The following SORCS3 variants were observed in gnomAD, a reference collection of about 807,000 sequenced individuals.
SORCS3 encodes the protein sortilin related VPS10 domain containing receptor 3.
A neutral mutation model predicts 146.3 loss-of-function variants in SORCS3; 57 were observed. That is an observed-to-expected ratio of 0.39 (90% CI 0.31 to 0.49). The LOEUF is 0.49. SORCS3 is among the 20% of genes least tolerant of loss of function. The pLI, the probability that SORCS3 is intolerant of heterozygous loss-of-function variation, is 0.92. For synonymous variants in SORCS3, 653 were observed against 618.5 expected (o/e 1.06, Z -0.83); for missense variants, 1,341 against 1,575.5 (o/e 0.85, Z 2.52).
chr10:105,030,720 G>A (rs905735998), intron 4 of SORCS3, among the ~76,000 whole-genome samples: 3 of 151,822 alleles, frequency 2.0e-5, no homozygotes, highest in Non-Finnish European at 2.9e-5. Context: ...AGCCTCCCAC[G>A]TAGCTGGGAT....
Position 105,137,344 on chromosome 10 carries a change from C to T in SORCS3, c.1213-2053C>T, listed in dbSNP as rs182613106. On this transcript the variant is annotated intron_variant, in intron 7 of 26. Transcript: ENST00000369701. ...ATGATATATTTTGGGAGTATAAAAG[C>T]TTTGTCATCAGGTATAAGGACTCCT... Among the ~76,000 whole-genome samples, 196 of 152,140 alleles carry T rather than the reference C, an allele frequency of 1.3e-3. 2 individuals carry two copies. Among genetic ancestry groups the T allele is most frequent in the Admixed American group, 2.7e-3 (42 of 15,276 alleles).
chr10:104,747,500 A>G (rs1166106132), intron 1 of SORCS3, among the ~76,000 whole-genome samples: 3 of 152,202 alleles, frequency 2.0e-5, no homozygotes, highest in African/African-American at 7.2e-5. Flanking sequence ...GATACTTCCA[A>G]TACGCTGAGA....
chr10:104,663,820 C>A (rs984530278), intron 1 of SORCS3, among the ~76,000 whole-genome samples: 2 of 152,090 alleles, frequency 1.3e-5, no homozygotes, highest in Non-Finnish European at 2.9e-5. Context: ...GGCAGCCCCC[C>A]ACTCCTCTTT....
intron 2 of SORCS3, among the ~76,000 whole-genome samples, chr10:104,907,368 A>G (rs1055916478): frequency 1.5e-4 from 23 of 152,196 alleles, no homozygotes; most frequent in African/African-American, 4.6e-4. Flanking sequence ...ACCTAAATAT[A>G]ACAACTCACC....
rs911301492 is a variant in SORCS3 at position 104,822,075 on chromosome 10, C to G, written c.628-20717C>G. ...CCACCCCTTATTTTTTATTCCTTCT[C>G]TTAGTCCTGGAGTCTGACCAGCTCC... is the stretch of plus-strand genomic sequence containing the variant. On this transcript the variant is annotated intron_variant, in intron 1 of 26. Coordinates refer to ENST00000369701, the MANE Select transcript of SORCS3 (RefSeq NM_014978.3). 4 of 518,040 alleles carry G rather than the reference C, an allele frequency of 7.7e-6. No homozygotes were observed. The East Asian group carries it at 1.6e-4, about 21-fold the overall frequency. The allele number at this position is 518,040 out of a possible 1,614,324, so 32.1% of individuals were successfully genotyped here.
chr10:104,785,675 A>G (rs1355494405), intron 1 of SORCS3, among the ~76,000 whole-genome samples: 1 of 152,214 alleles, frequency 6.6e-6, no homozygotes, highest in Non-Finnish European at 1.5e-5. Context: ...CTCTGTTTCC[A>G]TAAAGCAGAG....
intron 1 of SORCS3, among the ~76,000 whole-genome samples, chr10:104,816,101 A>C (rs1281723000): frequency 6.6e-5 from 10 of 152,182 alleles, no homozygotes. Flanking sequence ...AGAGTATATT[A>C]CCTAAAGTGG....
At chr10:105,050,041 AC>A (rs2055400361) in intron 5 of SORCS3, among the ~76,000 whole-genome samples, 1 of 151,532 alleles carries the variant, frequency 6.6e-6, no homozygotes, top group Non-Finnish European at 1.5e-5. Flanking sequence ...ATACATACAC[AC>A]ACACACACAC....
intron 1 of SORCS3, among the ~76,000 whole-genome samples, chr10:104,696,443 TATATAG>T (rs2016199030): frequency 4.7e-4 from 1 of 2,108 alleles, no homozygotes; most frequent in African/African-American, 6.2e-4. Flanking sequence ...GAATATATAA[TATATAG>T]AATATAGAAT....
chr10:104,696,677 TATATAATATATAA>T (rs1474203775), intron 1 of SORCS3, among the ~76,000 whole-genome samples: 3 of 51,416 alleles, frequency 5.8e-5, no homozygotes, highest in African/African-American at 7.8e-5. Flanking sequence ...ATATATAACA[TATATAATATATAA>T]TATATATTAT....
intron 1 of SORCS3, among the ~76,000 whole-genome samples, chr10:104,724,318 A>G (rs9663230): frequency 0.55 from 83,943 of 151,918 alleles, 23,418 homozygotes; most frequent in East Asian, 0.7. Context: ...CTCTCTTCTG[A>G]CTTGTAGAGT....
intron 1 of SORCS3, among the ~76,000 whole-genome samples, chr10:104,815,898 C>T (rs1402645601): frequency 6.6e-6 from 1 of 152,128 alleles, no homozygotes; most frequent in Non-Finnish European, 1.5e-5. Context: ...CATGTAGTTC[C>T]AGTTTTCAAT....
chr10:105,073,811 A>C (rs2055572691), intron 5 of SORCS3, among the ~76,000 whole-genome samples: 1 of 152,130 alleles, frequency 6.6e-6, no homozygotes, highest in Admixed American at 6.5e-5. Flanking sequence ...GTGGTCGCTA[A>C]AGGATTTGTT....
chr10:104,931,999 T>A (rs150885460), intron 3 of SORCS3, among the ~76,000 whole-genome samples: 1 of 152,300 alleles, frequency 6.6e-6, no homozygotes, highest in Non-Finnish European at 1.5e-5. Flanking sequence ...AGTGAGCTGA[T>A]GTCAGAGCAG....
At chr10:104,694,258 C>T (rs1315963498) in intron 1 of SORCS3, among the ~76,000 whole-genome samples, 3 of 151,662 alleles carry the variant, frequency 2.0e-5, no homozygotes, top group African/African-American at 7.3e-5. Context: ...CTGCCCTTCT[C>T]TGAGACAGGC....
intron 13 of SORCS3, among the ~76,000 whole-genome samples, chr10:105,176,304 G>A (rs2056401063): frequency 6.6e-6 from 1 of 152,024 alleles, no homozygotes; most frequent in Admixed American, 6.6e-5. Flanking sequence ...CAGCACTTTG[G>A]GAGTCCGAGT....
At chr10:104,729,774 A>G (rs182811384) in intron 1 of SORCS3, among the ~76,000 whole-genome samples, 126 of 152,338 alleles carry the variant, frequency 8.3e-4, no homozygotes, top group African/African-American at 2.9e-3. Flanking sequence ...TGCTTCTACC[A>G]CGCCTGTCAG....
At chr10:104,661,435 A>T (rs1365827504) in intron 1 of SORCS3, among the ~76,000 whole-genome samples, 1 of 152,204 alleles carries the variant, frequency 6.6e-6, no homozygotes, top group Non-Finnish European at 1.5e-5. Context: ...CAGGGATGGT[A>T]ATGCCAAATT....
At chr10:105,031,316 AACACACACACACACAAACACACAC>A (rs2055265348) in intron 4 of SORCS3, among the ~76,000 whole-genome samples, 1 of 117,906 alleles carries the variant, frequency 8.5e-6, no homozygotes, top group African/African-American at 4.3e-5. Context: ...ACAAACAAAC[AACACACACACACACAAACACACAC>A]ACACACACAC....
Sources: allele counts gnomAD v4.1 joint callset (sites outside exome capture counted in the v4.1 genomes callset), GRCh38; gene constraint gnomAD v4.1.1; transcripts MANE v1.5; gene names NCBI Gene and HGNC (gene_info 2026-07-23, HGNC 2026-07-21).